ITPR2: variants seen among roughly 807,000 people sequenced by gnomAD.
ITPR2 encodes the protein inositol 1,4,5-trisphosphate-gated calcium channel ITPR2.
In ITPR2, 207 loss-of-function variants were observed where a neutral mutation model predicts 317.1. The observed-to-expected ratio is 0.65, with a 90% CI of 0.58 to 0.73. The LOEUF (loss-of-function observed/expected upper bound fraction) is 0.73. Ranked by LOEUF, ITPR2 falls within the 30% of genes least tolerant of loss-of-function variation. The pLI, the probability that ITPR2 is intolerant of heterozygous loss-of-function variation, is 0.00. For synonymous variants in ITPR2, 1,156 were observed against 1,149.1 expected (o/e 1.01, Z -0.12); for missense variants, 2,613 against 3,284.0 (o/e 0.80, Z 4.99).
intron 2 of ITPR2, among the ~76,000 whole-genome samples, chr12:26,735,733 A>T (rs1592082506): frequency 6.6e-6 from 1 of 152,344 alleles, no homozygotes; most frequent in South Asian, 2.1e-4. Flanking sequence ...TGAACTTCAA[A>T]TTTATATAAA....
At chr12:26,679,144 C>T (rs562068220) in intron 13 of ITPR2, among the ~76,000 whole-genome samples, 3 of 152,282 alleles carry the variant, frequency 2.0e-5, no homozygotes, top group African/African-American at 4.8e-5. Context: ...TAAAAGTGGG[C>T]CAGTTGTTTC....
chr12:26,472,660 T>C (rs1942321546), intron 45 of ITPR2, among the ~76,000 whole-genome samples: 1 of 152,180 alleles, frequency 6.6e-6, no homozygotes, highest in Non-Finnish European at 1.5e-5. Context: ...ATATGTCTAT[T>C]CTCCTCTTCA....
At chr12:26,766,406 C>A (rs575571028) in intron 2 of ITPR2, among the ~76,000 whole-genome samples, 53 of 152,108 alleles carry the variant, frequency 3.5e-4, no homozygotes, top group Non-Finnish European at 6.9e-4. Flanking sequence ...GTTTACTAAC[C>A]ATTTTTACGT....
At chr12:26,522,529 A>G (rs1428179125) in intron 37 of ITPR2, among the ~76,000 whole-genome samples, 2 of 152,196 alleles carry the variant, frequency 1.3e-5, no homozygotes, top group African/African-American at 4.8e-5. Context: ...ACCCCTATCC[A>G]GTCACCTCTG....
rs1342102265 is a variant in ITPR2 at position 26,338,148 on chromosome 12, T to TC, written c.*1248dup. 6.6e-6 allele frequency: 1 copy of TC among 152,384 alleles called. No individual in the cohort carries two copies. The highest frequency in any genetic ancestry group is 1.9e-4 in the East Asian group (1 of 5,200). The allele number at this position is 152,384 out of a possible 1,614,324, so 9.4% of individuals were successfully genotyped here. On this transcript the variant is annotated 3_prime_UTR_variant, in exon 57 of 57. Coordinates refer to ENST00000381340, the MANE Select transcript of ITPR2 (RefSeq NM_002223.4). Reference sequence around the variant, plus strand: ...TTCACTCCCTGTCACATCACTTTTTTCCCAACACTTTCATTATCCATATTT... The same window carrying TC: ...TTCACTCCCTGTCACATCACTTTTTTCCCCAACACTTTCATTATCCATATTT...
At chr12:26,622,178 T>C in intron 25 of ITPR2, 62 bp downstream of exon 25, 3 of 1,459,212 alleles carry the variant, frequency 2.1e-6, no homozygotes, top group Non-Finnish European at 2.8e-6. Flanking sequence ...GAAGTCAGGT[T>C]GGATGTTATT....
At chr12:26,528,833 G>A (rs1340163217) in intron 37 of ITPR2, among the ~76,000 whole-genome samples, 2 of 152,182 alleles carry the variant, frequency 1.3e-5, no homozygotes, top group African/African-American at 2.4e-5. Flanking sequence ...GTGCACTGGA[G>A]GCACAGGGTG....
chr12:26,347,451 A>G (rs1188706861), intron 55 of ITPR2, among the ~76,000 whole-genome samples: 1 of 152,140 alleles, frequency 6.6e-6, no homozygotes, highest in African/African-American at 2.4e-5. Context: ...ACCGATACCC[A>G]CAATTCCATA....
intron 55 of ITPR2, among the ~76,000 whole-genome samples, chr12:26,379,756 G>GT (rs1939449292): frequency 1.3e-5 from 2 of 152,124 alleles, no homozygotes; most frequent in Admixed American, 1.3e-4. Flanking sequence ...AGTTCTAACT[G>GT]GCCCATTATA....
rs762949017 is a variant in ITPR2, at chr12:26,475,429, A to T, written c.6220-11T>A. ...CTTCATCACATCCACCTATCCAAAA[A>T]AAAAAAGAATATTGAAATGCCAGAA... On this transcript the variant is annotated splice_polypyrimidine_tract_variant and intron_variant, in intron 44 of 56. Coordinates refer to ENST00000381340, the MANE Select transcript of ITPR2 (RefSeq NM_002223.4). 3 of 1,599,334 alleles carry T rather than the reference A, an allele frequency of 1.9e-6. No homozygotes were observed. In the South Asian group the frequency reaches 3.4e-5, roughly 18 times the overall value.
intron 45 of ITPR2, among the ~76,000 whole-genome samples, chr12:26,466,431 T>C (rs1433290909): frequency 1.3e-5 from 2 of 152,236 alleles, no homozygotes; most frequent in Non-Finnish European, 2.9e-5. Context: ...GCCTCGGGTA[T>C]ACTTAGATCC....
chr12:26,507,553 G>A (rs1943220794), intron 37 of ITPR2, among the ~76,000 whole-genome samples: 1 of 152,184 alleles, frequency 6.6e-6, no homozygotes, highest in South Asian at 2.1e-4. Flanking sequence ...ACATTTGCTG[G>A]TAAGGAAGCA....
chr12:26,540,462 T>C (rs958198408), intron 37 of ITPR2, among the ~76,000 whole-genome samples: 1 of 152,210 alleles, frequency 6.6e-6, no homozygotes, highest in Admixed American at 6.5e-5. Context: ...TTTCTTTTAA[T>C]GCTATCCAAG....
chr12:26,723,492 G>A (rs117711365), intron 4 of ITPR2, among the ~76,000 whole-genome samples: 1,573 of 152,136 alleles, frequency 0.01, 13 homozygotes, highest in Non-Finnish European at 0.015. Flanking sequence ...ACATTTAACC[G>A]AAACTTGGTT....
chr12:26,757,552 T>C (rs927073935), intron 2 of ITPR2, among the ~76,000 whole-genome samples: 1 of 152,166 alleles, frequency 6.6e-6, no homozygotes, highest in Admixed American at 6.5e-5. Context: ...TGCTTTCACT[T>C]TACTCTATGG....
chr12:26,671,114 G>C (rs998497729), intron 13 of ITPR2, among the ~76,000 whole-genome samples: 3 of 152,134 alleles, frequency 2.0e-5, no homozygotes, highest in Non-Finnish European at 4.4e-5. Context: ...AACCAAGTTG[G>C]AAAACACTCT....
At chr12:26,414,960 T>C (rs1306231982) in intron 51 of ITPR2, among the ~76,000 whole-genome samples, 1 of 152,128 alleles carries the variant, frequency 6.6e-6, no homozygotes, top group African/African-American at 2.4e-5. Context: ...CTGTTATTTT[T>C]GGGGAGACAG....
intron 55 of ITPR2, among the ~76,000 whole-genome samples, chr12:26,367,052 A>G (rs1297391096): frequency 6.6e-6 from 1 of 152,208 alleles, no homozygotes; most frequent in Non-Finnish European, 1.5e-5. Flanking sequence ...TTCTTGATCT[A>G]TTGAATTCTA....
intron 13 of ITPR2, among the ~76,000 whole-genome samples, chr12:26,674,889 C>T (rs995897778): frequency 1.5e-4 from 22 of 151,576 alleles, no homozygotes; most frequent in African/African-American, 4.6e-4. Flanking sequence ...GGGCAAAGGA[C>T]ATGAATAGAC....
Sources: allele counts gnomAD v4.1 joint callset (sites outside exome capture counted in the v4.1 genomes callset), GRCh38; gene constraint gnomAD v4.1.1; transcripts MANE v1.5; gene names NCBI Gene and HGNC (gene_info 2026-07-23, HGNC 2026-07-21).